Variants in EREG observed in about 807,000 individuals in gnomAD.
EREG encodes the protein epiregulin.
EREG carries 23 observed loss-of-function variants against 22.4 expected under a neutral mutation model. The ratio of observed to expected loss-of-function variants is 1.03; its 90% CI spans 0.74 to 1.46. The LOEUF (loss-of-function observed/expected upper bound fraction) is 1.46, where lower values mean the gene tolerates loss of function less well. Among genes scored for constraint, EREG ranks in the 40% most tolerant of loss-of-function variants. The probability of loss-of-function intolerance (pLI) is 0.00; values close to 1 mark genes in which losing one functional copy is unlikely to be tolerated. For missense variants in EREG, 226 were observed against 205.9 expected, an observed-to-expected ratio of 1.10 and a Z score of -0.60; for synonymous variants, 100 against 75.4, an observed-to-expected ratio of 1.33 and a Z score of -1.69.
chr4:74,365,470 T>C (rs1752161211), intron 1 of EREG, 95 bp downstream of exon 1: 1 of 1,142,006 alleles, frequency 8.8e-7, no homozygotes, highest in Non-Finnish European at 1.3e-6. Context: ...CGGAGTTGTC[T>C]CCAGGTTCAA....
chr4:74,367,270 A>G (rs1752202069), intron 1 of EREG, among the ~76,000 whole-genome samples: 1 of 152,316 alleles, frequency 6.6e-6, no homozygotes, highest in South Asian at 2.1e-4. Flanking sequence ...AAATTGGGGA[A>G]CTGTGACCCA....
chr4:74,365,896 C>A (rs1332861048), intron 1 of EREG, among the ~76,000 whole-genome samples: 1 of 152,098 alleles, frequency 6.6e-6, no homozygotes, highest in Non-Finnish European at 1.5e-5. Context: ...TGCCAGTTGG[C>A]TGAGCTCCAG....
chr4:74,366,050 G>A (rs1179319449), intron 1 of EREG, among the ~76,000 whole-genome samples: 2 of 152,094 alleles, frequency 1.3e-5, no homozygotes, highest in Non-Finnish European at 2.9e-5. Context: ...TGGAGCAAGC[G>A]TTCTGCACTT....
chr4:74,368,907 C>G (rs543310492), intron 1 of EREG, among the ~76,000 whole-genome samples: 7 of 152,066 alleles, frequency 4.6e-5, no homozygotes, highest in African/African-American at 1.7e-4. Flanking sequence ...AATTCTGGAA[C>G]CTTTGAAAAA....
chr4:74,365,489 T>TA, intron 1 of EREG, 114 bp downstream of exon 1: 1 of 796,632 alleles, frequency 1.3e-6, no homozygotes, highest in Non-Finnish European at 1.9e-6. Flanking sequence ...AAGTGTGCTC[T>TA]ATTTAAAATT....
rs1379576449 is a variant in EREG at position 74,388,009 on chromosome 4, C to G, written c.*3201C>G. On this transcript the variant is annotated 3_prime_UTR_variant, in exon 5 of 5. Coordinates refer to ENST00000244869, the MANE Select transcript of EREG (RefSeq NM_001432.3). ...TTGCTCTAATCTCTCTGCCGAAAGT[C>G]AAAGTGATGGGAGAATTGGTATACT... The G allele has an allele frequency of 6.6e-6, 1 of 152,156 alleles. No homozygotes were observed. The highest frequency in any genetic ancestry group is 1.5e-5 in the Non-Finnish European group (1 of 68,026). The allele number at this position is 152,156 out of a possible 1,614,324, so 9.4% of individuals were successfully genotyped here. A position where few individuals can be genotyped will look rare whatever the true frequency, so the allele number is the denominator to read the frequency against.
chr4:74,369,955 A>C (rs1418519214), intron 1 of EREG, among the ~76,000 whole-genome samples: 2 of 152,212 alleles, frequency 1.3e-5, no homozygotes, highest in African/African-American at 4.8e-5. Context: ...TCTTACAAAA[A>C]AAAAAGCCTC....
intron 3 of EREG, 40 bp from the exon 4 acceptor site, chr4:74,382,605 T>A: frequency 6.6e-7 from 1 of 1,521,004 alleles, no homozygotes; most frequent in Admixed American, 2.1e-5. Context: ...GATTTCCTTT[T>A]TAAGTAACTG....
chr4:74,375,388 C>G (rs952572371), intron 1 of EREG, among the ~76,000 whole-genome samples: 2 of 146,014 alleles, frequency 1.4e-5, no homozygotes, highest in Admixed American at 6.9e-5. Context: ...GCGCGATCTC[C>G]GCTCCCTGCA....
intron 1 of EREG, among the ~76,000 whole-genome samples, chr4:74,368,989 G>A (rs1752246676): frequency 6.6e-6 from 1 of 152,132 alleles, no homozygotes; most frequent in Admixed American, 6.6e-5. Context: ...TAGTTATAGG[G>A]CACATAAAGG....
intron 1 of EREG, among the ~76,000 whole-genome samples, chr4:74,376,797 T>G (rs1479712814): frequency 2.0e-5 from 3 of 152,212 alleles, no homozygotes; most frequent in Admixed American, 2.0e-4. Context: ...TGGTCACAAG[T>G]GATCTTAGAC....
Position 74,365,407 on chromosome 4 carries a change from C to G in EREG, c.67+32C>G, listed in dbSNP as rs1172634867. The G allele has an allele frequency of 5.6e-6, 9 of 1,605,442 alleles. No homozygotes were observed. The East Asian group carries it at 1.8e-4, about 32-fold the overall frequency. On this transcript the variant is annotated intron_variant, in intron 1 of 4. Transcript: ENST00000244869. ...TCTCCCCCTCTGGCTTCCGGCCGCCCCAAAGAGGAGACAAATAAGGAAGGC... is the reference window on the plus strand; with the variant it reads ...TCTCCCCCTCTGGCTTCCGGCCGCCGCAAAGAGGAGACAAATAAGGAAGGC...
chr4:74,379,921 CT>C (rs1049318455), intron 2 of EREG, among the ~76,000 whole-genome samples: 60 of 152,074 alleles, frequency 3.9e-4, no homozygotes, highest in African/African-American at 1.4e-3. Context: ...CTTTCTACCC[CT>C]CTCTCTCTCT....
chr4:74,384,796 G>T lies in EREG; in HGVS notation c.498G>T (p.Leu166Phe). Residue 166 changes from leucine (L) to phenylalanine (F), a missense_variant, in exon 5 of 5, where the codon TTG (leucine) becomes TTT (phenylalanine). Physicochemically the swap from Leu to Phe is conservative, Grantham distance 22 (BLOSUM62 0). Coordinates refer to ENST00000244869, the MANE Select transcript of EREG (RefSeq NM_001432.3). ...YERVTSGDPE[L>F]PQV is the part of the protein sequence containing the mutation. ...GAGTTACCTCAGGGGATCCAGAGTT[G>T]CCGCAAGTCTGAATGGCGCCATCAA... 1 of 1,611,492 alleles carries T rather than the reference G, an allele frequency of 6.2e-7. No homozygotes were observed. The highest frequency in any genetic ancestry group is 8.5e-7 in the Non-Finnish European group (1 of 1,177,852).
At chr4:74,372,974 A>AT (rs35483998) in intron 1 of EREG, among the ~76,000 whole-genome samples, 1,163 of 63,148 alleles carry the variant, frequency 0.018, 7 homozygotes, top group African/African-American at 0.039. Context: ...CATCTGGCTA[A>AT]TTTTTTTTTT....
intron 1 of EREG, among the ~76,000 whole-genome samples, chr4:74,375,395 T>C (rs1439127613): frequency 1.6e-5 from 2 of 128,658 alleles, no homozygotes; most frequent in East Asian, 5.2e-4. Context: ...CTCCGCTCCC[T>C]GCAAGCTCCG....
rs1752466852 is a variant in EREG at position 74,381,106 on chromosome 4, T to C, written c.247T>C (p.Tyr83His). 1.9e-6 allele frequency: 3 copies of C among 1,613,284 alleles called. No individual in the cohort carries two copies. The highest frequency in any genetic ancestry group is 1.7e-6 in the Non-Finnish European group (2 of 1,179,570). Residue 83 changes from tyrosine (Y) to histidine (H), a missense_variant, in exon 3 of 5, where the codon TAT (tyrosine) becomes CAT (histidine). Tyr to His is a moderately conservative substitution (Grantham distance 83). Coordinates refer to ENST00000244869, the MANE Select transcript of EREG (RefSeq NM_001432.3). The stretch of plus-strand genomic sequence containing the variant: ...CTATTGTTTGCATGGACAGTGCATC[T>C]ATCTGGTGGACATGAGTCAAAACTA... ...NGYCLHGQCI[Y>H]LVDMSQNYCR...
chr4:74,379,407 T>C, intron 1 of EREG, 41 bp from the exon 2 acceptor site: 1 of 1,213,128 alleles, frequency 8.2e-7, no homozygotes, highest in Non-Finnish European at 1.2e-6. Context: ...ATTTCTTTCC[T>C]TAACACATTA....
intron 4 of EREG, 32 bp from the exon 5 acceptor site, chr4:74,384,695 G>A (rs1377526048): frequency 1.5e-6 from 2 of 1,317,512 alleles, no homozygotes; most frequent in Admixed American, 3.4e-5. Flanking sequence ...ATTAACTGCA[G>A]TGCTAACAGT....
Sources: allele counts gnomAD v4.1 joint callset (sites outside exome capture counted in the v4.1 genomes callset), GRCh38; gene constraint gnomAD v4.1.1; transcripts MANE v1.5; gene names NCBI Gene and HGNC (gene_info 2026-07-23, HGNC 2026-07-21).